Variants in CTNND2 observed in about 807,000 individuals in gnomAD.
The protein encoded by CTNND2 is catenin delta-2.
Under a neutral mutation model 144.4 loss-of-function variants are expected in CTNND2, and 22 were observed. That is an observed-to-expected ratio of 0.15 (90% confidence interval 0.11 to 0.22). The LOEUF is 0.22. CTNND2 is among the 10% of genes least tolerant of loss of function. The pLI, the probability that CTNND2 is intolerant of heterozygous loss-of-function variation, is 1.00. For missense variants in CTNND2, 1,353 were observed against 1,618.8 expected (o/e 0.84, Z 2.82); for synonymous variants, 751 against 695.6 (o/e 1.08, Z -1.25).
chr5:11,865,132 T>G (rs1050212641), intron 1 of CTNND2, among the ~76,000 whole-genome samples: 2 of 152,100 alleles, frequency 1.3e-5, no homozygotes, highest in South Asian at 2.1e-4. Context: ...CGACCTCAGG[T>G]GATCCGCGTG....
At chr5:11,488,245 A>G (rs1237729298) in intron 3 of CTNND2, among the ~76,000 whole-genome samples, 1 of 152,212 alleles carries the variant, frequency 6.6e-6, no homozygotes, top group African/African-American at 2.4e-5. Context: ...CCTACTTTAA[A>G]GTAATAATAT....
At chr5:11,886,306 CTTTG>C (rs1241724786) in intron 1 of CTNND2, among the ~76,000 whole-genome samples, 8 of 152,048 alleles carry the variant, frequency 5.3e-5, no homozygotes, top group South Asian at 2.1e-4. Context: ...CCAAATAGTA[CTTTG>C]TTTATCTGGT....
At chr5:11,617,110 C>T (rs1780617731) in intron 2 of CTNND2, among the ~76,000 whole-genome samples, 1 of 152,156 alleles carries the variant, frequency 6.6e-6, no homozygotes, top group African/African-American at 2.4e-5. Context: ...CAGAAAATTC[C>T]AGGAATACAT....
At chr5:11,597,340 G>A (rs1779561563) in intron 2 of CTNND2, among the ~76,000 whole-genome samples, 1 of 152,118 alleles carries the variant, frequency 6.6e-6, no homozygotes, top group Non-Finnish European at 1.5e-5. Flanking sequence ...TTTGCTTACA[G>A]CTTTGTAAAG....
chr5:11,883,058 G>T (rs1167360184), intron 1 of CTNND2, among the ~76,000 whole-genome samples: 5 of 152,074 alleles, frequency 3.3e-5, no homozygotes, highest in African/African-American at 1.2e-4. Flanking sequence ...AGATTGGGGG[G>T]TTTGGTAGCT....
At chr5:11,579,438 A>G (rs1167031563) in intron 2 of CTNND2, among the ~76,000 whole-genome samples, 1 of 152,222 alleles carries the variant, frequency 6.6e-6, no homozygotes, top group Non-Finnish European at 1.5e-5. Flanking sequence ...GTCATAAAGA[A>G]TAGTGTACCA....
chr5:11,357,105 G>A (rs777065892), intron 8 of CTNND2, among the ~76,000 whole-genome samples: 1 of 151,952 alleles, frequency 6.6e-6, no homozygotes, highest in East Asian at 1.9e-4. Context: ...AGCCATTATG[G>A]AAAACAATAT....
chr5:11,528,068 A>G (rs1029704600), intron 3 of CTNND2, among the ~76,000 whole-genome samples: 3 of 152,244 alleles, frequency 2.0e-5, no homozygotes, highest in East Asian at 1.9e-4. Context: ...AGAGAGCCAC[A>G]TTTAAAAGCT....
chr5:11,079,456 T>C (rs1749313904), intron 16 of CTNND2, among the ~76,000 whole-genome samples: 1 of 152,202 alleles, frequency 6.6e-6, no homozygotes, highest in African/African-American at 2.4e-5. Context: ...TGTGTCATCC[T>C]CTGAGAGGTT....
At chr5:11,817,990 T>TG (rs1332825167) in intron 1 of CTNND2, among the ~76,000 whole-genome samples, 21 of 58,706 alleles carry the variant, frequency 3.6e-4, no homozygotes, top group Non-Finnish European at 9.5e-4. Flanking sequence ...TGTTTTTTTT[T>TG]TTTTTTTTTT....
chr5:11,690,109 A>G (rs187799042), intron 2 of CTNND2, among the ~76,000 whole-genome samples: 21 of 152,354 alleles, frequency 1.4e-4, no homozygotes, highest in Admixed American at 7.2e-4. Context: ...TCAATTATAA[A>G]ACGACTTAAA....
At chr5:11,367,878 T>C (rs529533303) in intron 7 of CTNND2, among the ~76,000 whole-genome samples, 1 of 152,330 alleles carries the variant, frequency 6.6e-6, no homozygotes, top group African/African-American at 2.4e-5. Context: ...CATAATGTCA[T>C]GCAATCATAA....
At chr5:11,310,830 G>A (rs1750721620) in intron 9 of CTNND2, among the ~76,000 whole-genome samples, 1 of 127,918 alleles carries the variant, frequency 7.8e-6, no homozygotes, top group African/African-American at 3.0e-5. Context: ...ACAGTCCCAT[G>A]TGCCCTTAAC....
chr5:11,518,037 G>A (rs879371073), intron 3 of CTNND2, among the ~76,000 whole-genome samples: 6 of 152,076 alleles, frequency 3.9e-5, no homozygotes, highest in Admixed American at 1.3e-4. Context: ...GGGCAATGGG[G>A]TGATGTTGCC....
chr5:11,635,565 C>T (rs1561642463), intron 2 of CTNND2, among the ~76,000 whole-genome samples: 1 of 152,126 alleles, frequency 6.6e-6, no homozygotes. Flanking sequence ...GCCCCAAATT[C>T]TTTTTCAGAA....
intron 6 of CTNND2, among the ~76,000 whole-genome samples, chr5:11,386,566 T>C (rs258828): frequency 0.086 from 13,118 of 152,198 alleles, 1,314 homozygotes; most frequent in African/African-American, 0.24. Context: ...CAGCCTGGCA[T>C]AGGAGGTAAA....
chr5:11,065,750 A>G (rs1016758399), intron 16 of CTNND2, among the ~76,000 whole-genome samples: 1 of 152,250 alleles, frequency 6.6e-6, no homozygotes, highest in Non-Finnish European at 1.5e-5. Context: ...TGACTCTGGC[A>G]TAACATTATG....
intron 1 of CTNND2, among the ~76,000 whole-genome samples, chr5:11,823,232 A>G (rs1015871597): frequency 3.9e-5 from 6 of 152,242 alleles, no homozygotes; most frequent in African/African-American, 9.6e-5. Context: ...CTGACACTTC[A>G]TGTCTTCCAA....
At chr5:11,830,934 T>A (rs572099033) in intron 1 of CTNND2, among the ~76,000 whole-genome samples, 49 of 152,168 alleles carry the variant, frequency 3.2e-4, no homozygotes, top group Admixed American at 5.9e-4. Context: ...AATAAAACAA[T>A]ACCATTTATA....
Sources: gnomAD v4.1 joint callset for allele counts (sites outside exome capture counted in the v4.1 genomes callset) on GRCh38, gnomAD v4.1.1 for gene constraint, MANE v1.5 for transcripts, NCBI Gene and HGNC (gene_info 2026-07-23, HGNC 2026-07-21) for gene names.